CNTN4: variants seen among roughly 807,000 people sequenced by gnomAD.
CNTN4 encodes the protein contactin 4.
Under a neutral mutation model 122.5 loss-of-function variants are expected in CNTN4, and 77 were observed. The ratio of observed to expected loss-of-function variants is 0.63; its 90% confidence interval spans 0.52 to 0.76. The LOEUF (loss-of-function observed/expected upper bound fraction) is 0.76. Ranked by LOEUF, CNTN4 falls within the 30% of genes least tolerant of loss-of-function variation. The pLI is 0.00. For missense variants in CNTN4, 1,256 were observed against 1,259.1 expected (o/e 1.00, Z 0.04); for synonymous variants, 512 against 447.0 (o/e 1.15, Z -1.83).
At chr3:2,745,898 C>G (rs2089725404) in intron 6 of CNTN4, among the ~76,000 whole-genome samples, 1 of 152,110 alleles carries the variant, frequency 6.6e-6, no homozygotes, top group Non-Finnish European at 1.5e-5. Flanking sequence ...TCTTCTACTT[C>G]GATAAGGATT....
chr3:2,492,563 C>A (rs570050765), intron 3 of CNTN4, among the ~76,000 whole-genome samples: 1 of 152,236 alleles, frequency 6.6e-6, no homozygotes, highest in Non-Finnish European at 1.5e-5. Context: ...TCTTCCTTTT[C>A]CATATTTACA....
intron 14 of CNTN4, among the ~76,000 whole-genome samples, chr3:3,012,912 G>A (rs1697379238): frequency 6.6e-6 from 1 of 151,880 alleles, no homozygotes; most frequent in African/African-American, 2.4e-5. Context: ...AAGTTGCTGT[G>A]AGCCGAGACT....
At chr3:3,012,914 G>A (rs1179099802) in intron 14 of CNTN4, among the ~76,000 whole-genome samples, 1 of 151,862 alleles carries the variant, frequency 6.6e-6, no homozygotes, top group Non-Finnish European at 1.5e-5. Context: ...GTTGCTGTGA[G>A]CCGAGACTGT....
intron 4 of CNTN4, among the ~76,000 whole-genome samples, chr3:2,707,756 C>G (rs1328216379): frequency 6.6e-6 from 1 of 152,018 alleles, no homozygotes; most frequent in Non-Finnish European, 1.5e-5. Flanking sequence ...TGATCCTCCC[C>G]CTTTAGCCTC....
intron 2 of CNTN4, among the ~76,000 whole-genome samples, chr3:2,114,614 A>G (rs763421647): frequency 9.2e-5 from 14 of 152,170 alleles, no homozygotes; most frequent in Non-Finnish European, 2.1e-4. Flanking sequence ...ACACAGTTTC[A>G]TAGACTAGAA....
chr3:2,373,084 A>G (rs141993503), intron 3 of CNTN4, among the ~76,000 whole-genome samples: 1 of 150,748 alleles, frequency 6.6e-6, no homozygotes, highest in Non-Finnish European at 1.5e-5. Context: ...GATTGACCTG[A>G]AAAGGGCTTT....
intron 4 of CNTN4, among the ~76,000 whole-genome samples, chr3:2,591,408 A>G (rs532627841): frequency 2.8e-5 from 1 of 36,260 alleles, no homozygotes; most frequent in Non-Finnish European, 5.6e-5. Context: ...TCTGTCGCCC[A>G]GGCTGGAGTG....
At chr3:2,919,377 A>AAAC (rs2094404565) in intron 12 of CNTN4, among the ~76,000 whole-genome samples, 1 of 145,692 alleles carries the variant, frequency 6.9e-6, no homozygotes, top group Non-Finnish European at 1.5e-5. Context: ...AAAAAAAAAA[A>AAAC]CCAGATCGTT....
chr3:3,024,384 T>TAAAAA (rs55892513), intron 14 of CNTN4, among the ~76,000 whole-genome samples: 17 of 90,252 alleles, frequency 1.9e-4, no homozygotes, highest in South Asian at 5.2e-4. Flanking sequence ...TTTTCCTCAT[T>TAAAAA]AAAAAAAAAA....
At chr3:2,422,074 G>T (rs756473260) in intron 3 of CNTN4, among the ~76,000 whole-genome samples, 4 of 152,156 alleles carry the variant, frequency 2.6e-5, no homozygotes, top group Non-Finnish European at 5.9e-5. Flanking sequence ...AAATAAAATA[G>T]TAAAATAAAA....
intron 5 of CNTN4, among the ~76,000 whole-genome samples, chr3:2,740,706 G>A (rs2089411905): frequency 6.6e-6 from 1 of 152,064 alleles, no homozygotes; most frequent in Non-Finnish European, 1.5e-5. Flanking sequence ...AAATATATAT[G>A]TCATAGTTTA....
intron 3 of CNTN4, among the ~76,000 whole-genome samples, chr3:2,430,912 T>C (rs1390138879): frequency 6.6e-6 from 1 of 152,192 alleles, no homozygotes; most frequent in African/African-American, 2.4e-5. Flanking sequence ...AAGTTCCTGA[T>C]GAAAATTAGA....
At chr3:2,983,190 G>A (rs1694206016) in intron 13 of CNTN4, among the ~76,000 whole-genome samples, 1 of 110,108 alleles carries the variant, frequency 9.1e-6, no homozygotes, top group Admixed American at 1.4e-4. Context: ...CTCCAGCCTG[G>A]GTGACAGAGC....
At chr3:2,119,111 G>T (rs1289034454) in intron 2 of CNTN4, among the ~76,000 whole-genome samples, 2 of 152,208 alleles carry the variant, frequency 1.3e-5, no homozygotes, top group Non-Finnish European at 2.9e-5. Flanking sequence ...TCAGTCAGCA[G>T]AGGGCCTTCA....
intron 14 of CNTN4, chr3:3,008,960 C>T (rs1025341799): frequency 1.8e-5 from 18 of 985,142 alleles, no homozygotes; most frequent in South Asian, 4.7e-5. Context: ...TTGGGCTGCA[C>T]GGCTTCAAAC....
At chr3:2,336,095 T>C (rs970967902) in intron 2 of CNTN4, among the ~76,000 whole-genome samples, 1 of 152,146 alleles carries the variant, frequency 6.6e-6, no homozygotes, top group African/African-American at 2.4e-5. Flanking sequence ...TAAAGACATG[T>C]GCTGAGTGTA....
At chr3:2,389,666 T>C (rs986989162) in intron 3 of CNTN4, among the ~76,000 whole-genome samples, 1 of 152,178 alleles carries the variant, frequency 6.6e-6, no homozygotes, top group Non-Finnish European at 1.5e-5. Flanking sequence ...ATCTATCTCC[T>C]TCATTGATGT....
chr3:2,196,359 A>G (rs542265903), intron 2 of CNTN4, among the ~76,000 whole-genome samples: 1 of 152,224 alleles, frequency 6.6e-6, no homozygotes, highest in South Asian at 2.1e-4. Flanking sequence ...TCTATCATGG[A>G]CTTTAAAATC....
intron 3 of CNTN4, among the ~76,000 whole-genome samples, chr3:2,413,075 T>G (rs1210068445): frequency 1.3e-5 from 2 of 152,198 alleles, no homozygotes; most frequent in African/African-American, 4.8e-5. Flanking sequence ...TCCATATGAT[T>G]CTACATACAT....
Sources: gnomAD v4.1 joint callset for allele counts (sites outside exome capture counted in the v4.1 genomes callset) on GRCh38, gnomAD v4.1.1 for gene constraint, MANE v1.5 for transcripts, NCBI Gene and HGNC (gene_info 2026-07-23, HGNC 2026-07-21) for gene names.